The following CLASP2 variants were observed in gnomAD, a reference collection of about 807,000 sequenced individuals.
CLASP2 encodes cytoplasmic linker associated protein 2.
A neutral mutation model predicts 194.4 loss-of-function variants in CLASP2; 47 were observed. The observed-to-expected ratio is 0.24, with a 90% CI of 0.19 to 0.31. CLASP2 has a LOEUF of 0.31. Among genes scored for constraint, CLASP2 ranks in the 10% least tolerant of loss-of-function variants. The probability of loss-of-function intolerance (pLI) is 1.00; values close to 1 mark genes in which losing one functional copy is unlikely to be tolerated. For missense variants in CLASP2, 1,445 were observed against 1,823.6 expected, an observed-to-expected ratio of 0.79 and a Z score of 3.78; for synonymous variants, 619 against 633.5, an observed-to-expected ratio of 0.98 and a Z score of 0.34.
At chr3:33,690,854 C>A (rs566635777) in intron 2 of CLASP2, among the ~76,000 whole-genome samples, 1 of 152,068 alleles carries the variant, frequency 6.6e-6, no homozygotes, top group Non-Finnish European at 1.5e-5. Context: ...AAAAACACAT[C>A]GCATGTATAG....
chr3:33,708,728 T>C (rs2092854437), intron 1 of CLASP2, among the ~76,000 whole-genome samples: 1 of 151,988 alleles, frequency 6.6e-6, no homozygotes, highest in African/African-American at 2.4e-5. Context: ...TACTCAGAAG[T>C]GGAGCACATG....
chr3:33,522,395 CA>C (rs2053379201), intron 34 of CLASP2, among the ~76,000 whole-genome samples: 1 of 152,200 alleles, frequency 6.6e-6, no homozygotes, highest in East Asian at 1.9e-4. Flanking sequence ...CAATCAGAAC[CA>C]GAATCAACAA....
chr3:33,551,094 G>T (rs1283237525), intron 30 of CLASP2, among the ~76,000 whole-genome samples, 158 bp downstream of exon 30: 1 of 152,084 alleles, frequency 6.6e-6, no homozygotes, highest in Non-Finnish European at 1.5e-5. Context: ...CACATTAATT[G>T]GATAAAATTT....
chr3:33,623,127 AATT>A (rs1470458191), intron 10 of CLASP2, among the ~76,000 whole-genome samples: 4 of 152,134 alleles, frequency 2.6e-5, no homozygotes, highest in African/African-American at 7.2e-5. Flanking sequence ...TTACATTTTT[AATT>A]ATTATGAATA....
chr3:33,707,737 G>A (rs1394338908), intron 1 of CLASP2, among the ~76,000 whole-genome samples: 3 of 152,016 alleles, frequency 2.0e-5, no homozygotes, highest in African/African-American at 7.2e-5. Context: ...CCAATTTACA[G>A]GAAAAACAGA....
At chr3:33,678,867 C>A (rs953350680) in intron 6 of CLASP2, among the ~76,000 whole-genome samples, 1 of 152,176 alleles carries the variant, frequency 6.6e-6, no homozygotes, top group African/African-American at 2.4e-5. Context: ...GGATTCAATG[C>A]AATTCCAATC....
At position 33,559,297 on chromosome 3, in the gene CLASP2, A is replaced by G. The variant is rs777733347; in HGVS notation, c.3009+10T>C. Reference sequence around the variant, plus strand: ...CTTTATAATGTCTTCAAAAGATCTCAAAGTTTTACCTTTAAGCTTGGTGTC... The same window carrying G: ...CTTTATAATGTCTTCAAAAGATCTCGAAGTTTTACCTTTAAGCTTGGTGTC... On this transcript the variant is annotated intron_variant, in intron 29 of 38. Transcript: ENST00000682230. 2 of 1,493,452 alleles carry G rather than the reference A, an allele frequency of 1.3e-6. No individual in the cohort carries two copies. Among genetic ancestry groups the G allele is most frequent in the Non-Finnish European group, 1.9e-6 (2 of 1,080,956 alleles). The allele number at this position is 1,493,452 out of a possible 1,614,324, so 92.5% of individuals were successfully genotyped here. A position where few individuals can be genotyped will look rare whatever the true frequency, so the allele number is the denominator to read the frequency against.
intron 1 of CLASP2, among the ~76,000 whole-genome samples, chr3:33,713,460 A>C (rs2093134069): frequency 6.6e-6 from 1 of 152,208 alleles, no homozygotes; most frequent in Non-Finnish European, 1.5e-5. Context: ...GGCAACATCA[A>C]TATGTATTAA....
chr3:33,696,803 A>G, intron 2 of CLASP2, 52 bp downstream of exon 2: 1 of 1,177,802 alleles, frequency 8.5e-7, no homozygotes, highest in Non-Finnish European at 1.2e-6. Flanking sequence ...TAACGAAAAA[A>G]GTCATCATGT....
chr3:33,696,957 T>C (rs2091976048), intron 1 of CLASP2, 24 bp from the exon 2 acceptor site: 2 of 1,328,846 alleles, frequency 1.5e-6, no homozygotes, highest in Non-Finnish European at 2.1e-6. Context: ...GGGATTTTAA[T>C]GAATATAAAT....
At chr3:33,630,071 T>C (rs919119084) in intron 9 of CLASP2, among the ~76,000 whole-genome samples, 1 of 152,158 alleles carries the variant, frequency 6.6e-6, no homozygotes, top group Non-Finnish European at 1.5e-5. Context: ...AACGTAACGG[T>C]AACACACAGA....
chr3:33,702,555 TAGAC>T lies in CLASP2; in HGVS notation c.196-5626_196-5623del, dbSNP rs547668326. ...CATTGTGACCTTGGCCATGGTTTCT[TAGAC>T]AGGACATAAAAAGCATAAACAACAA... On this transcript the variant is annotated intron_variant, in intron 1 of 38. Transcript: ENST00000682230. Among the ~76,000 whole-genome samples, 151 of 152,206 alleles carry T rather than the reference TAGAC, an allele frequency of 9.9e-4. 1 individual carries two copies. The highest frequency in any genetic ancestry group is 1.2e-3 in the Non-Finnish European group (85 of 68,006).
intron 30 of CLASP2, among the ~76,000 whole-genome samples, chr3:33,545,495 T>G (rs1198483226): frequency 1.3e-5 from 2 of 152,106 alleles, no homozygotes; most frequent in Admixed American, 1.3e-4. Context: ...TATACAACAC[T>G]AGGGGGAATG....
intron 5 of CLASP2, 39 bp from the exon 6 acceptor site, chr3:33,684,495 T>C (rs762794619): frequency 1.1e-5 from 15 of 1,342,370 alleles, no homozygotes; most frequent in Non-Finnish European, 1.6e-5. Context: ...AACTTATATA[T>C]GATACAATAA....
At chr3:33,592,095 T>G in intron 21 of CLASP2, 1 of 635,298 alleles carries the variant, frequency 1.6e-6, no homozygotes, top group Non-Finnish European at 2.8e-6. Context: ...GAAGTTTTTC[T>G]TTGTAAGTGG....
intron 10 of CLASP2, among the ~76,000 whole-genome samples, chr3:33,625,220 T>C (rs1246558835): frequency 6.7e-6 from 1 of 148,758 alleles, no homozygotes; most frequent in Non-Finnish European, 1.5e-5. Flanking sequence ...AGGGATAGCA[T>C]TAGGAGATAT....
rs761164955 is a variant in CLASP2 at position 33,626,961 on chromosome 3, A to G, written c.1035+27T>C. ...AAAGGAACATCAATAAAGAAAGAAG[A>G]TAAGAAAATTAAAGACAAAAACTTA... is the stretch of plus-strand genomic sequence containing the variant. On this transcript the variant is annotated intron_variant, in intron 10 of 38. Coordinates refer to ENST00000682230, the MANE Select transcript of CLASP2 (RefSeq NM_001365631.1). 14 of 1,340,838 alleles carry G rather than the reference A, an allele frequency of 1.0e-5. No individual in the cohort carries two copies. The Admixed American group carries it at 2.4e-4, about 23-fold the overall frequency. 83.1% of individuals were successfully genotyped at this position (1,340,838 alleles called of 1,614,324 possible).
At chr3:33,617,951 AT>A (rs34651802) in intron 12 of CLASP2, among the ~76,000 whole-genome samples, 30,271 of 116,148 alleles carry the variant, frequency 0.26, 4,780 homozygotes, top group African/African-American at 0.49. Flanking sequence ...ATATATATAT[AT>A]TTTTTTTTTT....
intron 8 of CLASP2, among the ~76,000 whole-genome samples, chr3:33,642,013 C>T (rs973077459): frequency 6.6e-6 from 1 of 151,938 alleles, no homozygotes; most frequent in Non-Finnish European, 1.5e-5. Flanking sequence ...ATAGAACAAT[C>T]TTCAAGTATC....
Sources: gnomAD v4.1 joint callset for allele counts (sites outside exome capture counted in the v4.1 genomes callset) on GRCh38, gnomAD v4.1.1 for gene constraint, MANE v1.5 for transcripts, NCBI Gene and HGNC (gene_info 2026-07-23, HGNC 2026-07-21) for gene names.